SNTG1: variants seen among roughly 807,000 people sequenced by gnomAD.
SNTG1 encodes gamma-1-syntrophin.
SNTG1 carries 39 observed loss-of-function variants against 74.7 expected under a neutral mutation model. That is an observed-to-expected ratio of 0.52 (90% CI 0.40 to 0.68). SNTG1 has a LOEUF of 0.68. SNTG1 is among the 30% of genes least tolerant of loss of function. SNTG1 has a pLI of 0.00. For synonymous variants in SNTG1, 254 were observed against 217.1 expected (o/e 1.17, Z -1.49); for missense variants, 685 against 609.5 (o/e 1.12, Z -1.30).
chr8:50,657,822 G>A (rs1395609929), intron 14 of SNTG1, among the ~76,000 whole-genome samples: 1 of 151,996 alleles, frequency 6.6e-6, no homozygotes, highest in African/African-American at 2.4e-5. Flanking sequence ...GATATGTATA[G>A]ATACCTATTG....
chr8:50,084,705 G>T (rs1008371981), intron 1 of SNTG1, among the ~76,000 whole-genome samples: 1 of 152,158 alleles, frequency 6.6e-6, no homozygotes, highest in Non-Finnish European at 1.5e-5. Flanking sequence ...AAATTTAATT[G>T]CCATTGTAAC....
intron 1 of SNTG1, among the ~76,000 whole-genome samples, chr8:49,959,281 G>C (rs997649826): frequency 6.6e-6 from 1 of 152,178 alleles, no homozygotes; most frequent in Non-Finnish European, 1.5e-5. Flanking sequence ...CAGGACAAAA[G>C]GGGGAGACAA....
At chr8:50,749,273 C>A (rs778895985) in intron 17 of SNTG1, among the ~76,000 whole-genome samples, 2 of 151,942 alleles carry the variant, frequency 1.3e-5, no homozygotes, top group African/African-American at 2.4e-5. Context: ...CTTTTCAGAT[C>A]TATGAAAGCT....
chr8:50,043,754 G>A (rs1280301151), intron 1 of SNTG1, among the ~76,000 whole-genome samples: 1 of 152,146 alleles, frequency 6.6e-6, no homozygotes, highest in Non-Finnish European at 1.5e-5. Context: ...TGTTGCTTGT[G>A]GAACAGTGAG....
intron 13 of SNTG1, among the ~76,000 whole-genome samples, chr8:50,617,586 G>C (rs2094893424): frequency 6.6e-6 from 1 of 152,150 alleles, no homozygotes; most frequent in South Asian, 2.1e-4. Flanking sequence ...GTTAAAGAAG[G>C]AAGGGGTGTA....
intron 2 of SNTG1, among the ~76,000 whole-genome samples, chr8:50,291,632 A>G (rs934725684): frequency 6.6e-6 from 1 of 152,126 alleles, no homozygotes; most frequent in African/African-American, 2.4e-5. Flanking sequence ...TAGAGAATCA[A>G]TGCAGGCTTT....
chr8:50,343,995 CT>C (rs1442209087), intron 2 of SNTG1, among the ~76,000 whole-genome samples: 2 of 152,130 alleles, frequency 1.3e-5, no homozygotes, highest in Non-Finnish European at 1.5e-5. Flanking sequence ...CCTCAGCTGG[CT>C]TTTCTCTTTA....
chr8:50,592,063 G>A (rs1226172183), intron 13 of SNTG1, among the ~76,000 whole-genome samples: 2 of 152,158 alleles, frequency 1.3e-5, no homozygotes, highest in East Asian at 1.9e-4. Flanking sequence ...TGGTATGGGT[G>A]TCATCTTGAG....
At chr8:50,654,007 A>G (rs1226707749) in intron 13 of SNTG1, among the ~76,000 whole-genome samples, 3 of 152,122 alleles carry the variant, frequency 2.0e-5, no homozygotes, top group African/African-American at 7.2e-5. Flanking sequence ...CAGTTTTACT[A>G]TGCTCTTTGC....
rs145453916 is a variant in SNTG1, at chr8:50,184,073, T to C, written c.-28+11438T>C. On this transcript the variant is annotated intron_variant, in intron 2 of 18. Transcript: ENST00000642720. ...CCGCTTAAGGACTCTGCTTCTGAAA[T>C]TGTATCTTACTTATTCAAGTATCAA... 1.5e-3 allele frequency among the ~76,000 whole-genome samples: 235 copies of C among 152,296 alleles called. 1 individual carries two copies. Among genetic ancestry groups the C allele is most frequent in the African/African-American group, 5.4e-3 (225 of 41,562 alleles).
At chr8:50,553,202 C>T (rs62515748) in intron 12 of SNTG1, 23 bp downstream of exon 12, 38,935 of 1,612,986 alleles carry the variant, frequency 0.024, 609 homozygotes, top group Non-Finnish European at 0.027. Context: ...TCAAGGAATA[C>T]CTAGCCAGGG....
At chr8:50,208,776 G>A (rs2084368761) in intron 2 of SNTG1, among the ~76,000 whole-genome samples, 1 of 152,134 alleles carries the variant, frequency 6.6e-6, no homozygotes, top group African/African-American at 2.4e-5. Context: ...AAATCTCTCA[G>A]CATTTCCAAG....
intron 2 of SNTG1, among the ~76,000 whole-genome samples, chr8:50,333,049 T>C (rs62517573): frequency 0.011 from 1,618 of 152,344 alleles, 11 homozygotes; most frequent in Non-Finnish European, 0.017. Context: ...TATTTTCAGA[T>C]ATGAAGATAT....
At chr8:50,198,963 G>A (rs1202503172) in intron 2 of SNTG1, among the ~76,000 whole-genome samples, 1 of 152,158 alleles carries the variant, frequency 6.6e-6, no homozygotes, top group Non-Finnish European at 1.5e-5. Context: ...GGTGGAAGTT[G>A]TAAATGAAAT....
In SNTG1 at chr8:50,434,575, G is replaced by A. The variant is rs980334183; in HGVS notation, c.163-3968G>A. On this transcript the variant is annotated intron_variant, in intron 4 of 18. Transcript: ENST00000642720. ...GTTGTTTCCTGACTTTTGAATGATC[G>A]CCATTCTAACTGGTGTGAGATGGTA... Among the ~76,000 whole-genome samples the A allele has an allele frequency of 9.2e-5, 14 of 152,158 alleles. No homozygotes were observed. In the East Asian group the frequency reaches 1.4e-3, roughly 15 times the overall value.
chr8:50,398,861 C>T (rs1234226688), intron 3 of SNTG1, among the ~76,000 whole-genome samples: 4 of 152,116 alleles, frequency 2.6e-5, no homozygotes, highest in African/African-American at 7.2e-5. Context: ...ACCCAGGAGG[C>T]AGAGATTGTA....
chr8:50,624,516 C>A (rs577486764), intron 13 of SNTG1, among the ~76,000 whole-genome samples: 2 of 152,070 alleles, frequency 1.3e-5, no homozygotes, highest in East Asian at 3.9e-4. Flanking sequence ...ACTTGAAATT[C>A]TCGAGAGAAT....
intron 2 of SNTG1, among the ~76,000 whole-genome samples, chr8:50,231,718 G>A (rs1236405716): frequency 6.6e-6 from 1 of 151,390 alleles, no homozygotes; most frequent in Admixed American, 6.6e-5. Context: ...GCTGGGGACT[G>A]GGGAGAATGG....
chr8:50,714,761 A>G (rs574196273), intron 17 of SNTG1, among the ~76,000 whole-genome samples: 1 of 152,166 alleles, frequency 6.6e-6, no homozygotes, highest in East Asian at 1.9e-4. Context: ...ATTGGGCCAC[A>G]TGATCAAGGT....
Sources: gnomAD v4.1 joint callset for allele counts (sites outside exome capture counted in the v4.1 genomes callset) on GRCh38, gnomAD v4.1.1 for gene constraint, MANE v1.5 for transcripts, NCBI Gene and HGNC (gene_info 2026-07-23, HGNC 2026-07-21) for gene names.